SNX8: variants seen among roughly 807,000 people sequenced by gnomAD.
The protein encoded by SNX8 is sorting nexin 8, also known as sorting nexin-8.
A neutral mutation model predicts 51.6 loss-of-function variants in SNX8; 25 were observed. That is an observed-to-expected ratio of 0.48 (90% CI 0.35 to 0.68). SNX8 has a LOEUF of 0.68. Among genes scored for constraint, SNX8 ranks in the 30% least tolerant of loss-of-function variants. The pLI is 0.00. For missense variants in SNX8, 695 were observed against 624.0 expected, an observed-to-expected ratio of 1.11 and a Z score of -1.21; for synonymous variants, 324 against 277.0, an observed-to-expected ratio of 1.17 and a Z score of -1.68.
intron 1 of SNX8, among the ~76,000 whole-genome samples, chr7:2,348,433 C>A (rs1367607765): frequency 6.6e-6 from 1 of 150,630 alleles, no homozygotes; most frequent in East Asian, 2.0e-4. Context: ...CTCCGCCTTC[C>A]GGGTTCACGC....
At chr7:2,288,347 T>TAAAAAAAAAAAAAAAA (rs538014195) in intron 1 of SNX8, 1 of 120,512 alleles carries the variant, frequency 8.3e-6, no homozygotes, top group Non-Finnish European at 1.8e-5. Context: ...AAGACTGTCT[T>TAAAAAAAAAAAAAAAA]AAAAAAAAAA....
intron 1 of SNX8, among the ~76,000 whole-genome samples, chr7:2,329,675 C>G (rs1213066794): frequency 6.6e-6 from 1 of 152,138 alleles, no homozygotes; most frequent in Non-Finnish European, 1.5e-5. Context: ...CGTCATGAAG[C>G]CTCCATAAAA....
At chr7:2,307,682 C>T (rs557242652) in intron 1 of SNX8, 1 of 150,096 alleles carries the variant, frequency 6.7e-6, no homozygotes, top group Admixed American at 6.7e-5. Flanking sequence ...ATGCTGGAGA[C>T]CGACAGCCAG....
chr7:2,300,249 T>C (rs1365206472), intron 1 of SNX8, among the ~76,000 whole-genome samples: 1 of 152,182 alleles, frequency 6.6e-6, no homozygotes, highest in Admixed American at 6.5e-5. Context: ...TCTTAACGCG[T>C]TTAAGGGAAC....
chr7:2,333,832 G>C (rs7801680), intron 1 of SNX8, among the ~76,000 whole-genome samples: 195 of 152,222 alleles, frequency 1.3e-3, no homozygotes, highest in African/African-American at 4.5e-3. Flanking sequence ...CACGTCATAG[G>C]TCTAAACATA....
chr7:2,330,274 A>G (rs1373642577), intron 1 of SNX8, among the ~76,000 whole-genome samples: 2 of 148,660 alleles, frequency 1.3e-5, no homozygotes, highest in Non-Finnish European at 3.0e-5. Context: ...AGTAGCTGGG[A>G]TTACAGGTGC....
chr7:2,314,303 G>C, intron 1 of SNX8, 25 bp downstream of exon 1: 1 of 1,219,958 alleles, frequency 8.2e-7, no homozygotes, highest in Non-Finnish European at 1.0e-6. Flanking sequence ...GGGCAGGTGG[G>C]GGCTACCGCC....
intron 1 of SNX8, among the ~76,000 whole-genome samples, chr7:2,346,508 G>A (rs1427111339): frequency 2.6e-5 from 4 of 151,464 alleles, no homozygotes; most frequent in African/African-American, 9.7e-5. Flanking sequence ...AGCACTTTGG[G>A]AGGCCGAGGT....
chr7:2,258,747 C>G (rs894734547), intron 7 of SNX8, among the ~76,000 whole-genome samples: 4 of 152,166 alleles, frequency 2.6e-5, no homozygotes, highest in Non-Finnish European at 4.4e-5. Flanking sequence ...GCACCACACT[C>G]GGCGGTGGGG....
chr7:2,312,920 C>A (rs1047536256), intron 1 of SNX8, among the ~76,000 whole-genome samples: 21 of 151,978 alleles, frequency 1.4e-4, no homozygotes, highest in African/African-American at 4.6e-4. Flanking sequence ...TTTTTTGAGG[C>A]GGAGTCTCGC....
At chr7:2,343,061 C>A (rs1343228868) in intron 1 of SNX8, among the ~76,000 whole-genome samples, 1 of 151,872 alleles carries the variant, frequency 6.6e-6, no homozygotes, top group Non-Finnish European at 1.5e-5. Flanking sequence ...TCCCAGACTG[C>A]TGGGATTACA....
chr7:2,324,625 A>C (rs1409842801), intron 1 of SNX8, among the ~76,000 whole-genome samples: 1 of 152,014 alleles, frequency 6.6e-6, no homozygotes, highest in Admixed American at 6.6e-5. Flanking sequence ...AAATAAACTA[A>C]GAATAAAAAA....
intron 1 of SNX8, among the ~76,000 whole-genome samples, chr7:2,335,770 T>A (rs1363939448): frequency 8.4e-6 from 1 of 119,116 alleles, no homozygotes; most frequent in African/African-American, 3.4e-5. Context: ...GGCACTGCAC[T>A]CCAGCCTGGG....
intron 1 of SNX8, among the ~76,000 whole-genome samples, chr7:2,312,897 G>C (rs1796685442): frequency 6.6e-6 from 1 of 151,826 alleles, no homozygotes; most frequent in East Asian, 1.9e-4. Flanking sequence ...CGTTTGTTTT[G>C]TTTTGTTTTG....
upstream of SNX8, among the ~76,000 whole-genome samples, chr7:2,316,633 C>CCACT (rs1383935856): frequency 6.8e-6 from 1 of 146,562 alleles, no homozygotes; most frequent in East Asian, 2.0e-4. Flanking sequence ...ATTCACACAA[C>CCACT]CACTCACTCA....
chr7:2,300,884 C>T (rs1436823766), intron 1 of SNX8, among the ~76,000 whole-genome samples: 1 of 152,156 alleles, frequency 6.6e-6, no homozygotes, highest in African/African-American at 2.4e-5. Flanking sequence ...CTCAAATGAT[C>T]TGTCTACCTT....
intron 1 of SNX8, chr7:2,299,520 T>C (rs902145679): frequency 5.9e-5 from 9 of 152,134 alleles, no homozygotes; most frequent in African/African-American, 2.2e-4. Flanking sequence ...AATGTTTATC[T>C]GAGGGGAGGC....
chr7:2,272,478 G>A (rs960604496), intron 3 of SNX8, among the ~76,000 whole-genome samples: 5 of 151,558 alleles, frequency 3.3e-5, no homozygotes, highest in East Asian at 1.9e-4. Flanking sequence ...AGGTTCAAGC[G>A]ATTCTCCTGT....
At chr7:2,347,284 C>A (rs1461349370) in intron 1 of SNX8, among the ~76,000 whole-genome samples, 1 of 151,894 alleles carries the variant, frequency 6.6e-6, no homozygotes, top group Non-Finnish European at 1.5e-5. Context: ...GAGTTTGAGA[C>A]CAGCCTGGCT....
Sources: allele counts gnomAD v4.1 joint callset (sites outside exome capture counted in the v4.1 genomes callset), GRCh38; gene constraint gnomAD v4.1.1; transcripts MANE v1.5; gene names NCBI Gene and HGNC (gene_info 2026-07-23, HGNC 2026-07-21).